RNF6: variants seen among roughly 807,000 people sequenced by gnomAD.
RNF6 encodes ring finger protein 6, also known as E3 ubiquitin-protein ligase RNF6.
In RNF6, 21 loss-of-function variants were observed where a neutral mutation model predicts 50.1. The ratio of observed to expected loss-of-function variants is 0.42; its 90% confidence interval spans 0.30 to 0.60. The LOEUF (loss-of-function observed/expected upper bound fraction) is 0.60. Ranked by LOEUF, RNF6 falls within the 20% of genes least tolerant of loss-of-function variation. The probability of loss-of-function intolerance (pLI) is 0.20; values close to 1 mark genes in which losing one functional copy is unlikely to be tolerated. For missense variants in RNF6, 698 were observed against 838.2 expected (o/e 0.83, Z 2.07); for synonymous variants, 255 against 291.8 (o/e 0.87, Z 1.29).
At chr13:26,161,160 T>C (rs998374902) in intron 5 of RNF6, among the ~76,000 whole-genome samples, 2 of 152,232 alleles carry the variant, frequency 1.3e-5, no homozygotes, top group Non-Finnish European at 2.9e-5. Context: ...TATTTGTGTT[T>C]TCTCCACTTT....
chr13:26,210,113 T>C (rs1869263962), downstream of RNF6, among the ~76,000 whole-genome samples: 1 of 152,180 alleles, frequency 6.6e-6, no homozygotes. Context: ...CATCATCTTT[T>C]GAAACGTGGG....
intron 5 of RNF6, among the ~76,000 whole-genome samples, chr13:26,196,375 G>A (rs1302232127): frequency 6.6e-6 from 1 of 152,178 alleles, no homozygotes; most frequent in Non-Finnish European, 1.5e-5. Context: ...TTCAGGCCGG[G>A]TGTGGTGGCT....
chr13:26,198,599 G>A (rs1868770191), intron 5 of RNF6, among the ~76,000 whole-genome samples: 1 of 151,776 alleles, frequency 6.6e-6, no homozygotes, highest in Admixed American at 6.6e-5. Flanking sequence ...ACAAGGCAAT[G>A]ATGTCCACTC....
chr13:26,165,942 A>G (rs1017588126), intron 5 of RNF6, among the ~76,000 whole-genome samples: 3 of 152,150 alleles, frequency 2.0e-5, no homozygotes, highest in Non-Finnish European at 4.4e-5. Flanking sequence ...TTGGGAAGGC[A>G]TGATTGGTTT....
intron 5 of RNF6, among the ~76,000 whole-genome samples, chr13:26,164,929 T>C (rs1872374856): frequency 1.3e-5 from 2 of 152,092 alleles, no homozygotes; most frequent in Non-Finnish European, 2.9e-5. Flanking sequence ...GGAGGAGAAA[T>C]TCAAGCCAGC....
intron 5 of RNF6, among the ~76,000 whole-genome samples, chr13:26,198,591 A>C (rs1163317475): frequency 6.6e-6 from 1 of 151,906 alleles, no homozygotes; most frequent in Admixed American, 6.6e-5. Context: ...CAGCAGAAAC[A>C]AGGCAATGAT....
intron 5 of RNF6, among the ~76,000 whole-genome samples, chr13:26,157,616 T>C (rs1871996294): frequency 6.6e-6 from 1 of 152,136 alleles, no homozygotes; most frequent in African/African-American, 2.4e-5. Flanking sequence ...GCCAAACAAG[T>C]CATCCTCAGT....
intron 5 of RNF6, among the ~76,000 whole-genome samples, chr13:26,149,504 G>A (rs914640983): frequency 6.6e-6 from 1 of 151,746 alleles, no homozygotes. Context: ...GGAGAATAGC[G>A]TGAACCCGGG....
At chr13:26,188,171 C>G (rs1304765045) in intron 5 of RNF6, among the ~76,000 whole-genome samples, 1 of 152,178 alleles carries the variant, frequency 6.6e-6, no homozygotes, top group Non-Finnish European at 1.5e-5. Context: ...CAGATTGATG[C>G]AGTGGCTCCA....
chr13:26,160,444 G>A (rs1363883817), intron 5 of RNF6, among the ~76,000 whole-genome samples: 1 of 151,582 alleles, frequency 6.6e-6, no homozygotes, highest in East Asian at 1.9e-4. Flanking sequence ...AGCTGGACTT[G>A]AACTCCTGGG....
intron 5 of RNF6, among the ~76,000 whole-genome samples, chr13:26,157,326 A>G (rs760438350): frequency 1.3e-5 from 2 of 152,158 alleles, no homozygotes; most frequent in Non-Finnish European, 2.9e-5. Flanking sequence ...GATAATTATT[A>G]TATAATCTTG....
At chr13:26,215,756 T>C in intron 4 of RNF6, among the ~76,000 whole-genome samples, 164 bp from the exon 5 acceptor site, 1 of 152,212 alleles carries the variant, frequency 6.6e-6, no homozygotes, top group East Asian at 1.9e-4. Context: ...GAAAAGTATA[T>C]CTACTATAAG....
At chr13:26,142,120 A>T (rs1870988082) in intron 5 of RNF6, among the ~76,000 whole-genome samples, 2 of 152,308 alleles carry the variant, frequency 1.3e-5, no homozygotes, top group South Asian at 4.1e-4. Context: ...CACCAAACAT[A>T]TAAAAAATAC....
At chr13:26,189,327 C>A (rs1381638427) in intron 5 of RNF6, among the ~76,000 whole-genome samples, 4 of 150,624 alleles carry the variant, frequency 2.7e-5, no homozygotes, top group African/African-American at 7.3e-5. Context: ...GACTCCATCT[C>A]AAAAAAAACG....
intron 5 of RNF6, among the ~76,000 whole-genome samples, chr13:26,137,644 T>A (rs1423585340): frequency 2.1e-5 from 2 of 94,824 alleles, no homozygotes; most frequent in Non-Finnish European, 4.2e-5. Flanking sequence ...AATAAAGAGA[T>A]AGAAATTATA....
chr13:26,191,797 T>A (rs1196865884), intron 5 of RNF6, among the ~76,000 whole-genome samples: 1 of 152,140 alleles, frequency 6.6e-6, no homozygotes, highest in Non-Finnish European at 1.5e-5. Context: ...ATACAGTTGG[T>A]GATATGTGTT....
At chr13:26,211,022 A>C (rs1869299667), downstream of RNF6, among the ~76,000 whole-genome samples, 1 of 152,260 alleles carries the variant, frequency 6.6e-6, no homozygotes. Context: ...CATAATATTC[A>C]AATGAAGAAT....
intron 5 of RNF6, among the ~76,000 whole-genome samples, chr13:26,169,949 A>C (rs1436061084): frequency 2.6e-5 from 4 of 152,308 alleles, no homozygotes; most frequent in African/African-American, 9.6e-5. Context: ...TTGCCTGTTT[A>C]ATTCTGTCCA....
At chr13:26,141,546 G>A in intron 5 of RNF6, among the ~76,000 whole-genome samples, 1 of 151,894 alleles carries the variant, frequency 6.6e-6, no homozygotes, top group East Asian at 1.9e-4. Flanking sequence ...TAGACCAATG[G>A]AACATAATAC....
Sources: gnomAD v4.1 joint callset for allele counts (sites outside exome capture counted in the v4.1 genomes callset) on GRCh38, gnomAD v4.1.1 for gene constraint, MANE v1.5 for transcripts, NCBI Gene and HGNC (gene_info 2026-07-23, HGNC 2026-07-21) for gene names.